CDH10: variants seen among roughly 807,000 people sequenced by gnomAD.
CDH10 encodes cadherin 10.
Under a neutral mutation model 73.1 loss-of-function variants are expected in CDH10, and 30 were observed. That is an observed-to-expected ratio of 0.41 (90% CI 0.31 to 0.56). The LOEUF (loss-of-function observed/expected upper bound fraction) is 0.56. Ranked by LOEUF, CDH10 falls within the 20% of genes least tolerant of loss-of-function variation. The probability of loss-of-function intolerance (pLI) is 0.27; values close to 1 mark genes in which losing one functional copy is unlikely to be tolerated. For missense variants in CDH10, 815 were observed against 973.7 expected (o/e 0.84, Z 2.17); for synonymous variants, 345 against 348.2 (o/e 0.99, Z 0.10).
intron 5 of CDH10, among the ~76,000 whole-genome samples, chr5:24,513,601 T>A (rs988208815): frequency 2.0e-5 from 3 of 152,176 alleles, no homozygotes; most frequent in African/African-American, 7.2e-5. Context: ...ACTACAGGCA[T>A]ATACATACGC....
rs1004369642 is a variant in CDH10 at position 24,501,753 on chromosome 5, T to C, written c.1394-3234A>G. ...CGGTGTGGATAATAGAGTTCTTTAG[T>C]CATAAACTTAGTTCTATTGTCCACA... On this transcript the variant is annotated intron_variant, in intron 8 of 11. Transcript: ENST00000264463. Among the ~76,000 whole-genome samples, 5 of 152,212 alleles carry C rather than the reference T, an allele frequency of 3.3e-5. No individual in the cohort carries two copies. In the South Asian group the frequency reaches 1.0e-3, roughly 32 times the overall value.
At chr5:24,515,196 GT>G (rs1743063066) in intron 5 of CDH10, among the ~76,000 whole-genome samples, 3 of 152,098 alleles carry the variant, frequency 2.0e-5, no homozygotes, top group Admixed American at 6.6e-5. Flanking sequence ...CTTAGCCTTA[GT>G]GGAAAATTCC....
chr5:24,515,259 T>C (rs1318181746), intron 5 of CDH10, among the ~76,000 whole-genome samples: 1 of 152,132 alleles, frequency 6.6e-6, no homozygotes, highest in East Asian at 1.9e-4. Flanking sequence ...ATCAAGTATG[T>C]TTTAAAATAT....
At chr5:24,573,835 C>A (rs1342015316) in intron 2 of CDH10, among the ~76,000 whole-genome samples, 1 of 147,304 alleles carries the variant, frequency 6.8e-6, no homozygotes. Context: ...ATATTTATAA[C>A]CATTTTCATA....
At chr5:24,495,403 T>G (rs1383505178) in intron 9 of CDH10, among the ~76,000 whole-genome samples, 1 of 152,224 alleles carries the variant, frequency 6.6e-6, no homozygotes, top group African/African-American at 2.4e-5. Context: ...GAGGAATGTT[T>G]CAGTGTTCAT....
chr5:24,606,102 T>C (rs186799959), intron 1 of CDH10, among the ~76,000 whole-genome samples: 1 of 152,298 alleles, frequency 6.6e-6, no homozygotes, highest in East Asian at 1.9e-4. Flanking sequence ...CCTGGGGAGA[T>C]GGAAATGTTC....
chr5:24,582,326 C>A (rs1050810260), intron 2 of CDH10, among the ~76,000 whole-genome samples: 1 of 152,150 alleles, frequency 6.6e-6, no homozygotes, highest in Non-Finnish European at 1.5e-5. Flanking sequence ...AGAAGAAAGA[C>A]AAAAGATTAT....
At chr5:24,516,641 G>T (rs1031401900) in intron 5 of CDH10, among the ~76,000 whole-genome samples, 2 of 151,586 alleles carry the variant, frequency 1.3e-5, no homozygotes, top group South Asian at 2.1e-4. Flanking sequence ...TAATAATATG[G>T]TTATTTATTG....
chr5:24,575,849 T>C (rs1008836918), intron 2 of CDH10, among the ~76,000 whole-genome samples: 3 of 152,182 alleles, frequency 2.0e-5, no homozygotes, highest in Non-Finnish European at 2.9e-5. Context: ...TCTTGAGAGT[T>C]TGAATAGGTT....
intron 1 of CDH10, among the ~76,000 whole-genome samples, chr5:24,618,005 C>A (rs1225754827): frequency 2.0e-5 from 3 of 152,134 alleles, no homozygotes; most frequent in Non-Finnish European, 4.4e-5. Context: ...GTATCATGTG[C>A]AATGGCTAAA....
chr5:24,504,881 G>T (rs1447400081), intron 8 of CDH10, among the ~76,000 whole-genome samples: 1 of 151,856 alleles, frequency 6.6e-6, no homozygotes, highest in Non-Finnish European at 1.5e-5. Context: ...TCCCAAGAAG[G>T]CAGAAATAAA....
intron 2 of CDH10, among the ~76,000 whole-genome samples, chr5:24,584,765 G>C (rs1354240193): frequency 6.6e-6 from 1 of 151,704 alleles, no homozygotes; most frequent in East Asian, 1.9e-4. Flanking sequence ...TACCGTGCCC[G>C]ACCTCACATC....
intron 2 of CDH10, among the ~76,000 whole-genome samples, chr5:24,574,833 T>C (rs921774705): frequency 2.4e-5 from 2 of 84,582 alleles, no homozygotes; most frequent in Non-Finnish European, 6.9e-5. Context: ...GTTCAAAAGA[T>C]GATAGGAAAA....
chr5:24,601,615 G>A (rs376097674), intron 1 of CDH10, among the ~76,000 whole-genome samples: 1 of 152,066 alleles, frequency 6.6e-6, no homozygotes, highest in African/African-American at 2.4e-5. Flanking sequence ...TTAAAAATGT[G>A]TGGGATATCT....
intron 2 of CDH10, among the ~76,000 whole-genome samples, chr5:24,570,137 AC>A (rs1453283117): frequency 6.6e-6 from 1 of 152,078 alleles, no homozygotes; most frequent in Non-Finnish European, 1.5e-5. Flanking sequence ...ATTGGGAATC[AC>A]CCTCTTAGAG....
At chr5:24,517,840 A>T (rs1344429088) in intron 5 of CDH10, among the ~76,000 whole-genome samples, 1 of 152,156 alleles carries the variant, frequency 6.6e-6, no homozygotes, top group East Asian at 1.9e-4. Context: ...ACCAAAATCT[A>T]GGTTATCTAC....
chr5:24,592,407 C>T (rs1286495668), intron 2 of CDH10, among the ~76,000 whole-genome samples: 1 of 151,670 alleles, frequency 6.6e-6, no homozygotes, highest in Non-Finnish European at 1.5e-5. Flanking sequence ...GACATAGTCT[C>T]ACAATCTATA....
chr5:24,566,689 A>T (rs1429468803), intron 2 of CDH10, among the ~76,000 whole-genome samples: 1 of 151,930 alleles, frequency 6.6e-6, no homozygotes, highest in Non-Finnish European at 1.5e-5. Context: ...TTTATATATT[A>T]TTATGCTATA....
At chr5:24,632,184 G>A (rs935537580) in intron 1 of CDH10, among the ~76,000 whole-genome samples, 1 of 151,966 alleles carries the variant, frequency 6.6e-6, no homozygotes, top group South Asian at 2.1e-4. Flanking sequence ...CTTACTTTGG[G>A]AGGTGCTTTC....
Sources: allele counts gnomAD v4.1 joint callset (sites outside exome capture counted in the v4.1 genomes callset), GRCh38; gene constraint gnomAD v4.1.1; transcripts MANE v1.5; gene names NCBI Gene and HGNC (gene_info 2026-07-23, HGNC 2026-07-21).